The following GRID2 variants were observed in gnomAD, a reference collection of about 807,000 sequenced individuals.
GRID2 encodes the protein glutamate ionotropic receptor delta type subunit 2, also known as glutamate receptor ionotropic, delta-2.
GRID2 carries 33 observed loss-of-function variants against 114.8 expected under a neutral mutation model. The ratio of observed to expected loss-of-function variants is 0.29; its 90% CI spans 0.22 to 0.38. The LOEUF (loss-of-function observed/expected upper bound fraction) is 0.38, where lower values mean the gene tolerates loss of function less well. GRID2 is among the 10% of genes least tolerant of loss of function. GRID2 has a pLI of 1.00. For synonymous variants in GRID2, 505 were observed against 449.9 expected (o/e 1.12, Z -1.55); for missense variants, 1,184 against 1,257.7 (o/e 0.94, Z 0.89).
At chr4:93,012,273 C>T (rs1722256196) in intron 2 of GRID2, among the ~76,000 whole-genome samples, 1 of 152,004 alleles carries the variant, frequency 6.6e-6, no homozygotes, top group East Asian at 1.9e-4. Context: ...CGTTTTGTCT[C>T]TCCTTCAAAT....
At chr4:92,614,049 A>G (rs1443287688) in intron 2 of GRID2, among the ~76,000 whole-genome samples, 1 of 151,402 alleles carries the variant, frequency 6.6e-6, no homozygotes, top group African/African-American at 2.4e-5. Flanking sequence ...GGTGCATTCC[A>G]TATCCTCCTT....
At chr4:93,305,071 T>C (rs1369935388) in intron 8 of GRID2, among the ~76,000 whole-genome samples, 2 of 152,132 alleles carry the variant, frequency 1.3e-5, no homozygotes, top group Non-Finnish European at 2.9e-5. Flanking sequence ...TAAAATATTT[T>C]TAAGAGTTTT....
At chr4:92,353,699 G>A (rs1346127030) in intron 1 of GRID2, among the ~76,000 whole-genome samples, 2 of 151,992 alleles carry the variant, frequency 1.3e-5, no homozygotes, top group Non-Finnish European at 2.9e-5. Flanking sequence ...CAGATTGGCT[G>A]TGTGTGGGGC....
intron 12 of GRID2, among the ~76,000 whole-genome samples, chr4:93,500,549 C>T (rs1415000966): frequency 6.6e-6 from 1 of 151,984 alleles, no homozygotes; most frequent in Non-Finnish European, 1.5e-5. Flanking sequence ...CAGATGTCAC[C>T]ATCCTACCTT....
rs573068070 is a variant in GRID2, at chr4:92,517,023, T to G, written c.89-73108T>G. ...ACAGAGAGATAAAAAGAGAAACTTA[T>G]AAACATATCTGGGATAGTTACATAT... On this transcript the variant is annotated intron_variant, in intron 1 of 15. Transcript: ENST00000282020. Among the ~76,000 whole-genome samples, 17 of 145,816 alleles carry G rather than the reference T, an allele frequency of 1.2e-4. 1 individual carries two copies. In the South Asian group the frequency reaches 3.6e-3, roughly 31 times the overall value.
chr4:92,925,686 T>C (rs1749757140), intron 2 of GRID2, among the ~76,000 whole-genome samples: 1 of 152,012 alleles, frequency 6.6e-6, no homozygotes, highest in Non-Finnish European at 1.5e-5. Context: ...GGAAGCAACA[T>C]GTATTAACTT....
At chr4:92,539,499 T>G (rs2149160973) in intron 1 of GRID2, among the ~76,000 whole-genome samples, 1 of 152,290 alleles carries the variant, frequency 6.6e-6, no homozygotes, top group South Asian at 2.1e-4. Flanking sequence ...AAATTTTTAT[T>G]ACTTTTGGCT....
intron 2 of GRID2, among the ~76,000 whole-genome samples, chr4:92,891,572 T>A (rs562016928): frequency 1.5e-4 from 23 of 152,276 alleles, no homozygotes; most frequent in East Asian, 1.4e-3. Context: ...CATTTTTTTT[T>A]AAGAAAATTA....
Position 93,573,672 on chromosome 4 carries a change from A to G in GRID2, c.2194-52597A>G, listed in dbSNP as rs1243428363. Among the ~76,000 whole-genome samples the G allele has an allele frequency of 2.6e-5, 4 of 152,180 alleles. No homozygotes were observed. The East Asian group carries it at 7.7e-4, about 29-fold the overall frequency. On this transcript the variant is annotated intron_variant, in intron 13 of 15. Coordinates refer to ENST00000282020, the MANE Select transcript of GRID2 (RefSeq NM_001510.4). ...GTATATCCAGATCCCCCTTTACATA[A>G]TTTTTAAGGACTATGGTGCTAACAT...
chr4:93,364,224 G>C (rs914308807), intron 8 of GRID2, among the ~76,000 whole-genome samples: 6 of 152,092 alleles, frequency 3.9e-5, no homozygotes, highest in African/African-American at 1.4e-4. Flanking sequence ...TTATTTGTTT[G>C]TAGGTAATCT....
At chr4:92,616,482 G>T (rs1474891749) in intron 2 of GRID2, among the ~76,000 whole-genome samples, 5 of 151,486 alleles carry the variant, frequency 3.3e-5, no homozygotes, top group Admixed American at 2.0e-4. Context: ...CTGCTAACTA[G>T]ATTCATTGAA....
intron 13 of GRID2, among the ~76,000 whole-genome samples, chr4:93,563,453 A>G (rs1347670997): frequency 6.6e-6 from 1 of 151,910 alleles, no homozygotes; most frequent in Non-Finnish European, 1.5e-5. Flanking sequence ...TTCAGTCCTA[A>G]GGACAAACTA....
At chr4:93,326,554 A>G (rs765341562) in intron 8 of GRID2, among the ~76,000 whole-genome samples, 3 of 152,128 alleles carry the variant, frequency 2.0e-5, no homozygotes, top group Non-Finnish European at 4.4e-5. Flanking sequence ...GAAGGGGAGT[A>G]AACTGAATGT....
At chr4:92,380,759 C>T (rs1314008152) in intron 1 of GRID2, among the ~76,000 whole-genome samples, 1 of 151,950 alleles carries the variant, frequency 6.6e-6, no homozygotes, top group African/African-American at 2.4e-5. Flanking sequence ...GTTCACTCTT[C>T]AGGGTACAAT....
At chr4:93,162,380 A>G (rs1047112795) in intron 4 of GRID2, among the ~76,000 whole-genome samples, 13 of 152,012 alleles carry the variant, frequency 8.6e-5, no homozygotes, top group African/African-American at 3.1e-4. Context: ...CCTTTAAAAT[A>G]TAATAAACAT....
intron 1 of GRID2, among the ~76,000 whole-genome samples, chr4:92,366,336 T>C (rs1441156323): frequency 6.6e-6 from 1 of 151,842 alleles, no homozygotes; most frequent in East Asian, 1.9e-4. Context: ...CTTAGTTCCC[T>C]TGAGAGCTAG....
intron 1 of GRID2, among the ~76,000 whole-genome samples, chr4:92,419,153 T>C (rs544442048): frequency 6.6e-6 from 1 of 152,212 alleles, no homozygotes; most frequent in East Asian, 1.9e-4. Flanking sequence ...TGAAAGCTCA[T>C]TTTGGTCACA....
intron 2 of GRID2, among the ~76,000 whole-genome samples, chr4:93,017,869 A>G (rs1005705814): frequency 8.0e-5 from 12 of 149,598 alleles, no homozygotes; most frequent in African/African-American, 2.9e-4. Flanking sequence ...GCACCAAGAC[A>G]TAAGACAGTA....
intron 2 of GRID2, among the ~76,000 whole-genome samples, chr4:92,712,827 ACC>A (rs1394930814): frequency 6.6e-6 from 1 of 152,126 alleles, no homozygotes; most frequent in East Asian, 1.9e-4. Flanking sequence ...CACATGAATT[ACC>A]ATCAATAATT....
Sources: allele counts gnomAD v4.1 joint callset (sites outside exome capture counted in the v4.1 genomes callset), GRCh38; gene constraint gnomAD v4.1.1; transcripts MANE v1.5; gene names NCBI Gene and HGNC (gene_info 2026-07-23, HGNC 2026-07-21).